Variants in MAN1C1 observed in about 807,000 individuals in gnomAD.
MAN1C1 encodes mannosidase alpha class 1C member 1.
In MAN1C1, 49 loss-of-function variants were observed where a neutral mutation model predicts 71.5. That is an observed-to-expected ratio of 0.69 (90% CI 0.54 to 0.87). The LOEUF (loss-of-function observed/expected upper bound fraction) is 0.87. Among genes scored for constraint, MAN1C1 ranks in the 40% least tolerant of loss-of-function variants. The probability of loss-of-function intolerance (pLI) is 0.00; values close to 1 mark genes in which losing one functional copy is unlikely to be tolerated. For missense variants in MAN1C1, 743 were observed against 835.0 expected, an observed-to-expected ratio of 0.89 and a Z score of 1.36; for synonymous variants, 352 against 343.7, an observed-to-expected ratio of 1.02 and a Z score of -0.27.
At chr1:25,676,813 A>AT (rs569695513) in intron 1 of MAN1C1, among the ~76,000 whole-genome samples, 142 of 152,250 alleles carry the variant, frequency 9.3e-4, no homozygotes, top group African/African-American at 3.3e-3. Context: ...TATGTGTGTG[A>AT]TTTTTTAAAG....
chr1:25,780,329 G>A (rs144059824), intron 9 of MAN1C1, among the ~76,000 whole-genome samples: 21 of 152,210 alleles, frequency 1.4e-4, no homozygotes, highest in African/African-American at 3.9e-4. Context: ...GGCTCCCTCA[G>A]GCCCTCCTTC....
At chr1:25,668,912 C>A (rs1307274728) in intron 1 of MAN1C1, among the ~76,000 whole-genome samples, 1 of 152,126 alleles carries the variant, frequency 6.6e-6, no homozygotes, top group African/African-American at 2.4e-5. Context: ...CTGATGGTTT[C>A]CTCCTTTATA....
chr1:25,625,110 A>G (rs531420735), intron 1 of MAN1C1, among the ~76,000 whole-genome samples: 4 of 150,100 alleles, frequency 2.7e-5, no homozygotes, highest in African/African-American at 7.5e-5. Context: ...GGTTCAAGCA[A>G]TTCTCCTGCC....
At chr1:25,621,578 A>C (rs530963585) in intron 1 of MAN1C1, among the ~76,000 whole-genome samples, 1 of 151,662 alleles carries the variant, frequency 6.6e-6, no homozygotes, top group Non-Finnish European at 1.5e-5. Flanking sequence ...TCTGGGTCCT[A>C]CCCATGATGC....
chr1:25,682,692 A>G (rs1278975893), intron 1 of MAN1C1, among the ~76,000 whole-genome samples: 1 of 152,170 alleles, frequency 6.6e-6, no homozygotes, highest in Non-Finnish European at 1.5e-5. Flanking sequence ...GAAACTCCAC[A>G]ATCAAATGGG....
At chr1:25,697,665 C>T (rs989783944) in intron 2 of MAN1C1, among the ~76,000 whole-genome samples, 4 of 152,164 alleles carry the variant, frequency 2.6e-5, no homozygotes, top group Non-Finnish European at 5.9e-5. Flanking sequence ...TAAATTCCCA[C>T]CAGGGGTGTT....
At chr1:25,656,935 C>T (rs1414955858) in intron 1 of MAN1C1, among the ~76,000 whole-genome samples, 1 of 152,016 alleles carries the variant, frequency 6.6e-6, no homozygotes, top group African/African-American at 2.4e-5. Flanking sequence ...ACACCGTTCT[C>T]CCGCCTCAGC....
rs1186755045 is a variant in MAN1C1 at position 25,775,230 on chromosome 1, C to T, written c.1258-2875C>T. On this transcript the variant is annotated intron_variant, in intron 8 of 11. Coordinates refer to ENST00000374332, the MANE Select transcript of MAN1C1 (RefSeq NM_020379.4). This position sits in a 1 kb window ranked among gnomAD's most constrained non-coding sequence, Gnocchi z 5.1. ...CCGCAGGCTTAGTGACGCCGAGCAGCTGCCAGGGACATGGCTCTGCCCGGG... is the reference window on the plus strand; with the variant it reads ...CCGCAGGCTTAGTGACGCCGAGCAGTTGCCAGGGACATGGCTCTGCCCGGG... Among the ~76,000 whole-genome samples the T allele has an allele frequency of 1.3e-5, 2 of 152,234 alleles. No individual in the cohort carries two copies.
intron 3 of MAN1C1, among the ~76,000 whole-genome samples, chr1:25,747,714 CAG>C (rs1198435091): frequency 2.0e-5 from 3 of 152,188 alleles, no homozygotes; most frequent in Admixed American, 6.5e-5. Flanking sequence ...TCCCTGGAGA[CAG>C]AGACCTCTGG....
chr1:25,676,568 T>C (rs2046071306), intron 1 of MAN1C1, among the ~76,000 whole-genome samples: 1 of 152,194 alleles, frequency 6.6e-6, no homozygotes, highest in Non-Finnish European at 1.5e-5. Flanking sequence ...ATCAACCCAA[T>C]GTTCTAAGCT....
At chr1:25,703,260 G>A (rs1284750052) in intron 2 of MAN1C1, among the ~76,000 whole-genome samples, 2 of 152,226 alleles carry the variant, frequency 1.3e-5, no homozygotes, top group Admixed American at 6.5e-5. Context: ...GCCTGGGTGG[G>A]GGTCCCACTT....
chr1:25,741,653 G>A (rs1429738243), intron 2 of MAN1C1, among the ~76,000 whole-genome samples: 8 of 152,174 alleles, frequency 5.3e-5, no homozygotes, highest in Non-Finnish European at 1.2e-4. Flanking sequence ...GGTGCACAGT[G>A]TAGGGGCCTA....
intron 2 of MAN1C1, among the ~76,000 whole-genome samples, chr1:25,716,527 G>A (rs141276205): frequency 1.8e-3 from 275 of 152,192 alleles, no homozygotes; most frequent in Middle Eastern, 3.4e-3. Flanking sequence ...GGATTCTGCC[G>A]TGTTGCCCAA....
At chr1:25,729,934 A>AC (rs2046887438) in intron 2 of MAN1C1, among the ~76,000 whole-genome samples, 1 of 152,192 alleles carries the variant, frequency 6.6e-6, no homozygotes, top group African/African-American at 2.4e-5. Flanking sequence ...AGGCCTTAAC[A>AC]GCTGCATAAA....
chr1:25,772,303 G>A (rs184729860), intron 8 of MAN1C1: 1 of 156,728 alleles, frequency 6.4e-6, no homozygotes, highest in African/African-American at 2.4e-5. Flanking sequence ...CTAGAGAGGG[G>A]AAGGCACTTG....
intron 7 of MAN1C1, among the ~76,000 whole-genome samples, chr1:25,766,737 AG>A (rs2047432323): frequency 6.6e-6 from 1 of 152,094 alleles, no homozygotes; most frequent in African/African-American, 2.4e-5. Context: ...GCTGCCGAGG[AG>A]GGGTCACCAG....
At chr1:25,738,942 G>A (rs554444667) in intron 2 of MAN1C1, among the ~76,000 whole-genome samples, 4 of 152,168 alleles carry the variant, frequency 2.6e-5, no homozygotes, top group South Asian at 2.1e-4. Context: ...TGGGAGGATC[G>A]CTTGAGGCCA....
At position 25,764,098 on chromosome 1, in the gene MAN1C1, C is replaced by T. The variant is rs74060819; in HGVS notation, c.1141+131C>T. On this transcript the variant is annotated intron_variant, in intron 7 of 11. Coordinates refer to ENST00000374332, the MANE Select transcript of MAN1C1 (RefSeq NM_020379.4). This position sits in a 1 kb window ranked among gnomAD's most constrained non-coding sequence, Gnocchi z 4.4. ...CCATGCAGCCAGCAAGGCATTCGCT[C>T]GGTGCTCCTGGACACCACCTGCCTT... 3.5e-3 allele frequency: 2,517 copies of T among 723,200 alleles called. 42 individuals are homozygous for T. The African/African-American group carries it at 0.036, about 10-fold the overall frequency. The allele number at this position is 723,200 out of a possible 1,614,324, so 44.8% of individuals were successfully genotyped here. A position where few individuals can be genotyped will look rare whatever the true frequency, so the allele number is the denominator to read the frequency against.
At chr1:25,659,311 G>A (rs1344768830) in intron 1 of MAN1C1, among the ~76,000 whole-genome samples, 2 of 152,146 alleles carry the variant, frequency 1.3e-5, no homozygotes, top group African/African-American at 2.4e-5. Context: ...CGACCCTTAC[G>A]TCAGACCTAG....
Sources: allele counts gnomAD v4.1 joint callset (sites outside exome capture counted in the v4.1 genomes callset), GRCh38; gene constraint gnomAD v4.1.1; non-coding constraint Gnocchi (gnomAD v3.1); transcripts MANE v1.5; gene names NCBI Gene and HGNC (gene_info 2026-07-23, HGNC 2026-07-21).